The following SEPTIN9 variants were observed in gnomAD, a reference collection of about 807,000 sequenced individuals.
SEPTIN9 encodes the protein septin-9.
Under a neutral mutation model 56.6 loss-of-function variants are expected in SEPTIN9, and 13 were observed. The observed-to-expected ratio is 0.23, with a 90% confidence interval of 0.15 to 0.37. The LOEUF is 0.37. Ranked by LOEUF, SEPTIN9 falls within the 10% of genes least tolerant of loss-of-function variation. The pLI is 1.00. For synonymous variants in SEPTIN9, 332 were observed against 334.1 expected (o/e 0.99, Z 0.07); for missense variants, 650 against 823.1 (o/e 0.79, Z 2.57).
At chr17:77,361,069 GC>G (rs2034402461) in intron 2 of SEPTIN9, among the ~76,000 whole-genome samples, 1 of 151,858 alleles carries the variant, frequency 6.6e-6, no homozygotes, top group East Asian at 1.9e-4. Flanking sequence ...GATTACAGGT[GC>G]CCACCACCAC....
At chr17:77,363,856 T>C (rs921279945) in intron 2 of SEPTIN9, among the ~76,000 whole-genome samples, 4 of 152,158 alleles carry the variant, frequency 2.6e-5, no homozygotes, top group Admixed American at 2.6e-4. Flanking sequence ...GGGGTCCGTG[T>C]GGCCCTCAGC....
At chr17:77,353,817 CTG>C (rs2143816309) in intron 2 of SEPTIN9, among the ~76,000 whole-genome samples, 1 of 152,338 alleles carries the variant, frequency 6.6e-6, no homozygotes, top group African/African-American at 2.4e-5. Context: ...TAATGAAACA[CTG>C]TGTCAGATGG....
intron 2 of SEPTIN9, chr17:77,373,506 C>T (rs1403228614): frequency 2.6e-6 from 4 of 1,540,862 alleles, no homozygotes; most frequent in Non-Finnish European, 2.6e-6. Context: ...TCATGTCGGA[C>T]CCCGCGGTCA....
chr17:77,289,520 T>C (rs1433469015), intron 1 of SEPTIN9, among the ~76,000 whole-genome samples: 1 of 151,922 alleles, frequency 6.6e-6, no homozygotes, highest in African/African-American at 2.4e-5. Context: ...GCGATTCTCT[T>C]GCCTCAGCCT....
At chr17:77,303,244 G>A (rs2032134506) in intron 1 of SEPTIN9, among the ~76,000 whole-genome samples, 1 of 151,624 alleles carries the variant, frequency 6.6e-6, no homozygotes, top group South Asian at 2.1e-4. Context: ...GGGATTACAG[G>A]CGAATGCCAC....
Position 77,499,786 on chromosome 17 carries a change from G to A in SEPTIN9, c.*1128G>A, listed in dbSNP as rs1048514218. 13 of 347,534 alleles carry A rather than the reference G, an allele frequency of 3.7e-5. No individual in the cohort carries two copies. Among genetic ancestry groups the A allele is most frequent in the African/African-American group, 2.3e-4 (11 of 48,466 alleles). 21.5% of individuals were successfully genotyped at this position (347,534 alleles called of 1,614,324 possible). A position where few individuals can be genotyped will look rare whatever the true frequency, so the allele number is the denominator to read the frequency against. Reference sequence around the variant, plus strand: ...CTGGCCCAGGCCTTGCTGACTCTCTGAGCTGGGGAGGTGGGAGGCCAGGCG... The same window carrying A: ...CTGGCCCAGGCCTTGCTGACTCTCTAAGCTGGGGAGGTGGGAGGCCAGGCG... On this transcript the variant is annotated 3_prime_UTR_variant, in exon 12 of 12. Coordinates refer to ENST00000427177, the MANE Select transcript of SEPTIN9 (RefSeq NM_001113491.2).
intron 2 of SEPTIN9, among the ~76,000 whole-genome samples, chr17:77,379,122 A>G (rs2143953449): frequency 6.6e-6 from 1 of 152,116 alleles, no homozygotes; most frequent in African/African-American, 2.4e-5. Context: ...GGCAGCTGGA[A>G]CAGTCTCATC....
In SEPTIN9 at chr17:77,385,164, CTT is replaced by C. The variant is rs530528683; in HGVS notation, c.77-16877_77-16876del. Among the ~76,000 whole-genome samples the C allele has an allele frequency of 6.1e-3, 751 of 123,454 alleles. 2 individuals carry two copies. Among genetic ancestry groups the C allele is most frequent in the Non-Finnish European group, 9.5e-3 (566 of 59,410 alleles). 81.0% of individuals were successfully genotyped at this position (123,454 alleles called of 152,430 possible). A position where few individuals can be genotyped will look rare whatever the true frequency, so the allele number is the denominator to read the frequency against. On this transcript the variant is annotated intron_variant, in intron 2 of 11. Coordinates refer to ENST00000427177, the MANE Select transcript of SEPTIN9 (RefSeq NM_001113491.2). ...CTGGGCAACATAGGGAGACCCCCAC[CTT>C]TTTTTTTTTTTTTTTTTGACAGAGT...
At chr17:77,291,792 C>T (rs2031569748) in intron 1 of SEPTIN9, among the ~76,000 whole-genome samples, 1 of 152,146 alleles carries the variant, frequency 6.6e-6, no homozygotes, top group Non-Finnish European at 1.5e-5. Context: ...CTTGCTTTGG[C>T]TGCCTTTCTC....
intron 1 of SEPTIN9, among the ~76,000 whole-genome samples, chr17:77,290,658 A>C (rs1254605971): frequency 6.6e-6 from 1 of 151,182 alleles, no homozygotes; most frequent in Admixed American, 6.6e-5. Flanking sequence ...TACTAAAAAT[A>C]CAAAAAATTA....
rs749125478 is a variant in SEPTIN9, at chr17:77,429,300, A to G, written c.721+26597A>G. 1 of 471,076 alleles carries G rather than the reference A, an allele frequency of 2.1e-6. No homozygotes were observed. The highest frequency in any genetic ancestry group is 1.5e-5 in the South Asian group (1 of 64,532). The allele number at this position is 471,076 out of a possible 1,614,324, so 29.2% of individuals were successfully genotyped here. ...GATGGTGCCGATGCCGTCAGCACGC[A>G]GGCCTCCTGCCCTCGCCACGACTGG... is the stretch of plus-strand genomic sequence containing the variant. On this transcript the variant is annotated intron_variant, in intron 3 of 11. Coordinates refer to ENST00000427177, the MANE Select transcript of SEPTIN9 (RefSeq NM_001113491.2). The surrounding 1 kb of genome is among the most constrained non-coding windows in gnomAD (Gnocchi z 5.2).
rs536279530 is a variant in SEPTIN9 at position 77,486,070 on chromosome 17, C to T, written c.914-1354C>T. On this transcript the variant is annotated intron_variant, in intron 4 of 11. Coordinates refer to ENST00000427177, the MANE Select transcript of SEPTIN9 (RefSeq NM_001113491.2). ...ACCTCAAGTAATCCACCCTCCTCAGCCTCCCAAAGTGCTGGGATTACAGGC... is the reference window on the plus strand; with the variant it reads ...ACCTCAAGTAATCCACCCTCCTCAGTCTCCCAAAGTGCTGGGATTACAGGC... 2.6e-5 allele frequency among the ~76,000 whole-genome samples: 4 copies of T among 152,260 alleles called. No homozygotes were observed. In the East Asian group the frequency reaches 7.7e-4, roughly 29 times the overall value.
At chr17:77,312,680 A>G (rs536384084) in intron 2 of SEPTIN9, among the ~76,000 whole-genome samples, 3 of 152,134 alleles carry the variant, frequency 2.0e-5, no homozygotes, top group Non-Finnish European at 4.4e-5. Flanking sequence ...TGCCCAAAAA[A>G]CTAGCTTAAA....
Position 77,329,884 on chromosome 17 carries a change from G to T in SEPTIN9, c.76+22687G>T, listed in dbSNP as rs1300741919. Among the ~76,000 whole-genome samples the T allele has an allele frequency of 6.6e-6, 1 of 152,210 alleles. No individual in the cohort carries two copies. Among genetic ancestry groups the T allele is most frequent in the Non-Finnish European group, 1.5e-5 (1 of 68,046 alleles). ...GCTTCGGGGTTTGGACACCATCCCT[G>T]GGAGGGGTGAGCAGGACAAGTGAGG... On this transcript the variant is annotated intron_variant, in intron 2 of 11. Coordinates refer to ENST00000427177, the MANE Select transcript of SEPTIN9 (RefSeq NM_001113491.2). This position sits in a 1 kb window ranked among gnomAD's most constrained non-coding sequence, Gnocchi z 4.3.
intron 2 of SEPTIN9, among the ~76,000 whole-genome samples, chr17:77,393,421 G>A (rs561677064): frequency 6.6e-6 from 1 of 152,134 alleles, no homozygotes; most frequent in African/African-American, 2.4e-5. Flanking sequence ...GTCAGTGGGC[G>A]TGATTGGTAG....
At chr17:77,479,468 C>T (rs1466905745) in intron 3 of SEPTIN9, among the ~76,000 whole-genome samples, 5 of 152,248 alleles carry the variant, frequency 3.3e-5, no homozygotes, top group African/African-American at 9.6e-5. Context: ...CCTGCAAGGC[C>T]GCCTCTCGAG....
rs534947095 is a variant in SEPTIN9 at position 77,426,097 on chromosome 17, A to G, written c.721+23394A>G. On this transcript the variant is annotated intron_variant, in intron 3 of 11. Transcript: ENST00000427177. ...CACCAGGAAATGCAGCCAGGCCCCC[A>G]GGCCTCCCATGTCAGGAAGCAGCAC... Among the ~76,000 whole-genome samples, 38 of 152,166 alleles carry G rather than the reference A, an allele frequency of 2.5e-4. No homozygotes were observed. The South Asian group carries it at 4.6e-3, about 18-fold the overall frequency.
chr17:77,363,379 CTTTTTT>C (rs34313886), intron 2 of SEPTIN9, among the ~76,000 whole-genome samples: 4 of 66,620 alleles, frequency 6.0e-5, no homozygotes, highest in South Asian at 7.3e-4. Context: ...TTGGGCCTGT[CTTTTTT>C]TTTTTTTTTT....
chr17:77,454,245 T>C (rs1454456263), intron 3 of SEPTIN9: 11 of 985,412 alleles, frequency 1.1e-5, no homozygotes, highest in Non-Finnish European at 1.3e-5. Context: ...CAGCCACTCT[T>C]TGGGGAAGAG....
Sources: allele counts gnomAD v4.1 joint callset (sites outside exome capture counted in the v4.1 genomes callset), GRCh38; gene constraint gnomAD v4.1.1; non-coding constraint Gnocchi (gnomAD v3.1); transcripts MANE v1.5; gene names NCBI Gene and HGNC (gene_info 2026-07-23, HGNC 2026-07-21).